TSC1: variants seen among roughly 807,000 people sequenced by gnomAD.
TSC1 encodes TSC complex subunit 1.
In TSC1, 20 loss-of-function variants were observed where a neutral mutation model predicts 124.3. The observed-to-expected ratio is 0.16, with a 90% CI of 0.11 to 0.23. The LOEUF (loss-of-function observed/expected upper bound fraction) is 0.23, where lower values mean the gene tolerates loss of function less well. TSC1 is among the 10% of genes least tolerant of loss of function. The probability of loss-of-function intolerance (pLI) is 1.00; values close to 1 mark genes in which losing one functional copy is unlikely to be tolerated. For missense variants in TSC1, 1,124 were observed against 1,448.5 expected, an observed-to-expected ratio of 0.78 and a Z score of 3.64; for synonymous variants, 493 against 539.1, an observed-to-expected ratio of 0.91 and a Z score of 1.19.
At chr9:132,944,861 A>AGATCTTGTGACTCCGCGAAGG (rs1351188531), upstream of TSC1, 36 of 355,280 alleles carry the variant, frequency 1.0e-4, no homozygotes, top group Non-Finnish European at 1.7e-4. Flanking sequence ...GGCTGCGAAG[A>AGATCTTGTGACTCCGCGAAGG]GATCTTGTGA....
At chr9:132,904,030 G>A (rs1845522528) in intron 16 of TSC1, among the ~76,000 whole-genome samples, 1 of 152,136 alleles carries the variant, frequency 6.6e-6, no homozygotes, top group African/African-American at 2.4e-5. Context: ...GTCATATCAT[G>A]TGGGATGACT....
At chr9:132,917,226 G>A (rs1410470148) in intron 8 of TSC1, among the ~76,000 whole-genome samples, 1 of 151,730 alleles carries the variant, frequency 6.6e-6, no homozygotes, top group Admixed American at 6.6e-5. Flanking sequence ...TGATTTAGCT[G>A]GGCACCAGGT....
intron 1 of TSC1, among the ~76,000 whole-genome samples, chr9:132,942,786 G>A (rs1041738442): frequency 1.3e-5 from 2 of 152,182 alleles, no homozygotes; most frequent in African/African-American, 4.8e-5. Context: ...TTAGTAAGAG[G>A]ATATTTTCCG....
In TSC1 at chr9:132,912,472, G is replaced by A. The variant is rs2132008107; in HGVS notation, c.738-15C>T. ...ATCTCTTCCACCTGTAAAATGCAATGAAAGTCAAGAAATGCAAACTGTAAT... is the reference window on the plus strand; with the variant it reads ...ATCTCTTCCACCTGTAAAATGCAATAAAAGTCAAGAAATGCAAACTGTAAT... On this transcript the variant is annotated splice_polypyrimidine_tract_variant and intron_variant, in intron 8 of 22. Transcript: ENST00000298552. The A allele has an allele frequency of 6.2e-7, 1 of 1,614,030 alleles. No homozygotes were observed. Among genetic ancestry groups the A allele is most frequent in the South Asian group, 1.1e-5 (1 of 91,084 alleles).
At position 132,902,977 on chromosome 9, in the gene TSC1, C is replaced by G. The variant is rs1441524412; in HGVS notation, c.2209-190G>C. 6.6e-6 allele frequency among the ~76,000 whole-genome samples: 1 copy of G among 152,168 alleles called. No individual in the cohort carries two copies. Among genetic ancestry groups the G allele is most frequent in the Non-Finnish European group, 1.5e-5 (1 of 68,030 alleles). ...AAGGTTTTCCAAATTTTACATTAAGCAAATGGATCTTAAGTTGCTTAAATA... is the reference window on the plus strand; with the variant it reads ...AAGGTTTTCCAAATTTTACATTAAGGAAATGGATCTTAAGTTGCTTAAATA... On this transcript the variant is annotated intron_variant, in intron 17 of 22. Transcript: ENST00000298552. This position sits in a 1 kb window ranked among gnomAD's most constrained non-coding sequence, Gnocchi z 5.2.
chr9:132,903,591 T>C lies in TSC1; in HGVS notation c.2208+60A>G, dbSNP rs1681120095. 6.2e-7 allele frequency: 1 copy of C among 1,610,900 alleles called. No homozygotes were observed. Among genetic ancestry groups the C allele is most frequent in the South Asian group, 1.1e-5 (1 of 90,816 alleles). On this transcript the variant is annotated intron_variant, in intron 17 of 22. Transcript: ENST00000298552. The surrounding 1 kb of genome is among the most constrained non-coding windows in gnomAD (Gnocchi z 5.9). Reference sequence around the variant, plus strand: ...CTCGGCTGCTGTGCTTTATAAGCTATCATGCTGACCCAAAACAAAACAAAA... The same window carrying C: ...CTCGGCTGCTGTGCTTTATAAGCTACCATGCTGACCCAAAACAAAACAAAA...
intron 12 of TSC1, chr9:132,910,193 A>G: frequency 2.2e-6 from 1 of 447,178 alleles, no homozygotes; most frequent in East Asian, 3.7e-5. Context: ...CCCAGCTACT[A>G]GCGAGGCTGA....
In TSC1 at chr9:132,892,573, C is replaced by G; in HGVS notation, c.*3662G>C. ...GGCGGCACCCCATCTCACCAAGGTC[C>G]TGGCCGGGTCTTCGCTCTGCCCAAA... On this transcript the variant is annotated 3_prime_UTR_variant, in exon 23 of 23. Transcript: ENST00000298552. 1 of 233,418 alleles carries G rather than the reference C, an allele frequency of 4.3e-6. No individual in the cohort carries two copies. The highest frequency in any genetic ancestry group is 8.5e-6 in the Non-Finnish European group (1 of 118,126). The allele number at this position is 233,418 out of a possible 1,614,324, so 14.5% of individuals were successfully genotyped here. A position where few individuals can be genotyped will look rare whatever the true frequency, so the allele number is the denominator to read the frequency against.
In TSC1 at chr9:132,900,850, C is replaced by T. The variant is rs1197465592; in HGVS notation, c.2503-13G>A. On this transcript the variant is annotated splice_polypyrimidine_tract_variant and intron_variant, in intron 19 of 22. Transcript: ENST00000298552. ...CACTGTTTGAGAGCTAACCAAAAAA[C>T]ATGAGCAAAGTGAAAAATCCGACGA... 1 of 1,613,828 alleles carries T rather than the reference C, an allele frequency of 6.2e-7. No homozygotes were observed. Among genetic ancestry groups the T allele is most frequent in the Admixed American group, 1.7e-5 (1 of 59,988 alleles).
chr9:132,914,429 A>G (rs1846154254), intron 8 of TSC1, among the ~76,000 whole-genome samples: 1 of 152,166 alleles, frequency 6.6e-6, no homozygotes, highest in Non-Finnish European at 1.5e-5. Flanking sequence ...GGTTGCCAGA[A>G]GTGGGGGAAG....
Position 132,897,260 on chromosome 9 carries a change from C to A in TSC1, c.2899G>T (p.Gly967Cys). 1 of 1,614,198 alleles carries A rather than the reference C, an allele frequency of 6.2e-7. No individual in the cohort carries two copies. The highest frequency in any genetic ancestry group is 1.7e-5 in the Admixed American group (1 of 60,028). Residue 967 changes from glycine to cysteine, a missense_variant, in exon 22 of 23, where the codon GGC becomes TGC. Transcript: ENST00000298552. ...VFELEILDLY[G>C]RLEKDGLLKK... ...AGGAGGCCATCTTTCTCCAACCTGC[C>A]ATATAAATCTAAGATCTCCAATTCA... is the stretch of plus-strand genomic sequence containing the variant.
intron 20 of TSC1, chr9:132,899,015 C>G (rs902261619): frequency 6.6e-6 from 1 of 152,320 alleles, no homozygotes; most frequent in African/African-American, 2.4e-5. Flanking sequence ...AAACCTCCGC[C>G]TCCGGGGTTC....
At chr9:132,907,644 C>T (rs1845742124) in intron 12 of TSC1, among the ~76,000 whole-genome samples, 1 of 152,204 alleles carries the variant, frequency 6.6e-6, no homozygotes, top group South Asian at 2.1e-4. Context: ...AATGCACCAC[C>T]ACGCCTGGCT....
Position 132,923,198 on chromosome 9 carries a change from C to T in TSC1, c.508+150G>A, listed in dbSNP as rs1846659108. 2 of 1,098,430 alleles carry T rather than the reference C, an allele frequency of 1.8e-6. No individual in the cohort carries two copies. Among genetic ancestry groups the T allele is most frequent in the African/African-American group, 1.6e-5 (1 of 63,232 alleles). 68.0% of individuals were successfully genotyped at this position (1,098,430 alleles called of 1,614,324 possible). A position where few individuals can be genotyped will look rare whatever the true frequency, so the allele number is the denominator to read the frequency against. On this transcript the variant is annotated intron_variant, in intron 6 of 22. Transcript: ENST00000298552. This position sits in a 1 kb window ranked among gnomAD's most constrained non-coding sequence, Gnocchi z 4.2. ...TTCTTCTATGTGCCTGTAGTGGATGCACCCAAGATATTCCCTCATCTGTCT... is the reference window on the plus strand; with the variant it reads ...TTCTTCTATGTGCCTGTAGTGGATGTACCCAAGATATTCCCTCATCTGTCT...
At chr9:132,915,605 G>A (rs905160161) in intron 8 of TSC1, among the ~76,000 whole-genome samples, 4 of 152,126 alleles carry the variant, frequency 2.6e-5, no homozygotes, top group Non-Finnish European at 5.9e-5. Flanking sequence ...TGCTCTATGT[G>A]TTTCTAAGGT....
upstream of TSC1, chr9:132,944,831 G>GGCGGAAGGATCCGAAAGGAGGCT (rs1848002103): frequency 5.2e-6 from 2 of 382,628 alleles, no homozygotes; most frequent in Admixed American, 4.5e-5. Context: ...GGCGGGGCCG[G>GGCGGAAGGATCCGAAAGGAGGCT]GCGGAAGGAT....
chr9:132,917,800 G>C (rs1270045191), intron 8 of TSC1, among the ~76,000 whole-genome samples: 4 of 151,892 alleles, frequency 2.6e-5, no homozygotes, highest in Admixed American at 2.6e-4. Flanking sequence ...GTTTATTTTG[G>C]CTATCATTTT....
intron 1 of TSC1, among the ~76,000 whole-genome samples, chr9:132,938,674 G>A (rs565128022): frequency 2.3e-4 from 35 of 152,248 alleles, no homozygotes; most frequent in African/African-American, 7.9e-4. Flanking sequence ...AGCAGGACCC[G>A]TACGCCATTT....
intron 8 of TSC1, chr9:132,912,925 C>CCATGAGAAT (rs1846047711): frequency 6.1e-6 from 1 of 164,280 alleles, no homozygotes; most frequent in Non-Finnish European, 1.3e-5. Flanking sequence ...TAAAGAAAGT[C>CCATGAGAAT]CATGAGAATT....
Sources: gnomAD v4.1 joint callset for allele counts (sites outside exome capture counted in the v4.1 genomes callset) on GRCh38, gnomAD v4.1.1 for gene constraint, Gnocchi (gnomAD v3.1) non-coding constraint, MANE v1.5 for transcripts, NCBI Gene and HGNC (gene_info 2026-07-23, HGNC 2026-07-21) for gene names.